Variants in FAM186B observed in about 807,000 individuals in gnomAD.
FAM186B encodes protein FAM186B.
Under a neutral mutation model 83.4 loss-of-function variants are expected in FAM186B, and 68 were observed. That is an observed-to-expected ratio of 0.81 (90% CI 0.67 to 1.00). The LOEUF (loss-of-function observed/expected upper bound fraction) is 1.00. Among genes scored for constraint, FAM186B ranks in the 50% least tolerant of loss-of-function variants. The pLI, the probability that FAM186B is intolerant of heterozygous loss-of-function variation, is 0.00. For missense variants in FAM186B, 983 were observed against 1,099.2 expected (o/e 0.89, Z 1.49); for synonymous variants, 389 against 422.0 (o/e 0.92, Z 0.96).
intron 1 of FAM186B, chr12:49,605,176 CA>C (rs1939985300): frequency 1.4e-6 from 2 of 1,393,168 alleles, no homozygotes; most frequent in Non-Finnish European, 1.9e-6. Context: ...AGCCCTGCCT[CA>C]GGCGGGTGGT....
intron 5 of FAM186B, among the ~76,000 whole-genome samples, chr12:49,589,614 G>C (rs1939533474): frequency 6.6e-6 from 1 of 151,810 alleles, no homozygotes; most frequent in Admixed American, 6.6e-5. Flanking sequence ...ATCTGTTGTA[G>C]AGAATCTAGA....
chr12:49,601,077 G>A lies in FAM186B; in HGVS notation c.563C>T (p.Ser188Phe), dbSNP rs751962393. Residue 188 changes from serine to phenylalanine, a missense_variant, in exon 4 of 7, where the codon TCC becomes TTC. Ser to Phe is a radical substitution (Grantham distance 155). Coordinates refer to ENST00000257894, the MANE Select transcript of FAM186B (RefSeq NM_032130.3). ...TTCTGGGCTTAGTGGCTGAGGATGGGATGGAGATGTCTGTGGGCTTCTTCC... is the reference window on the plus strand; with the variant it reads ...TTCTGGGCTTAGTGGCTGAGGATGGAATGGAGATGTCTGTGGGCTTCTTCC... ...WQGRSPQTSP[S>F]HPQPLSPEQM... The A allele has an allele frequency of 2.5e-6, 4 of 1,604,606 alleles. No homozygotes were observed. The highest frequency in any genetic ancestry group is 1.1e-5 in the South Asian group (1 of 90,274).
At chr12:49,592,887 C>T (rs933872632) in intron 5 of FAM186B, among the ~76,000 whole-genome samples, 1 of 151,928 alleles carries the variant, frequency 6.6e-6, no homozygotes, top group Non-Finnish European at 1.5e-5. Context: ...AGTTACTCCA[C>T]AAGAAGGCAG....
the FAM186B span, among the ~76,000 whole-genome samples, chr12:49,613,323 C>G: frequency 6.7e-6 from 1 of 150,208 alleles, no homozygotes; most frequent in African/African-American, 2.5e-5. Flanking sequence ...GTCAGGAGAT[C>G]GAGACCATCT....
chr12:49,617,789 G>A, the FAM186B span, among the ~76,000 whole-genome samples: 7 of 152,220 alleles, frequency 4.6e-5, no homozygotes, highest in East Asian at 1.2e-3. Flanking sequence ...TGTAGCCAAG[G>A]GATTTTTAAA....
At chr12:49,603,477 C>G in intron 2 of FAM186B, 110 bp from the exon 3 acceptor site, 1 of 1,034,696 alleles carries the variant, frequency 9.7e-7, no homozygotes, top group Non-Finnish European at 1.4e-6. Context: ...TTGATTTTAC[C>G]TCTTACTAGC....
At chr12:49,617,314 G>T in the FAM186B span, among the ~76,000 whole-genome samples, 1 of 152,210 alleles carries the variant, frequency 6.6e-6, no homozygotes, top group Non-Finnish European at 1.5e-5. Context: ...GGAGGCCAGG[G>T]CAGGCAGACG....
chr12:49,591,351 A>C (rs1939577011), intron 5 of FAM186B, among the ~76,000 whole-genome samples: 1 of 152,230 alleles, frequency 6.6e-6, no homozygotes, highest in African/African-American at 2.4e-5. Flanking sequence ...GGGCAAGAAC[A>C]GGCAGAACCA....
chr12:49,599,631 C>A lies in FAM186B; in HGVS notation c.2009G>T (p.Arg670Met). ...CTCACTCAGGAGCTGCAGGTTCTTC[C>A]TCTGGGCCTCCATGTCCATGTGGTA... ...KVYHMDMEAQ[R>M]KNLQLLSEES... Residue 670 changes from arginine (R) to methionine (M), a missense_variant, in exon 4 of 7, where the codon AGG (arginine) becomes ATG (methionine). Coordinates refer to ENST00000257894, the MANE Select transcript of FAM186B (RefSeq NM_032130.3). 1 of 1,609,066 alleles carries A rather than the reference C, an allele frequency of 6.2e-7. No individual in the cohort carries two copies. The highest frequency in any genetic ancestry group is 8.5e-7 in the Non-Finnish European group (1 of 1,177,578).
chr12:49,599,156 G>A (rs1460914233), intron 4 of FAM186B, among the ~76,000 whole-genome samples: 1 of 152,122 alleles, frequency 6.6e-6, no homozygotes, highest in Non-Finnish European at 1.5e-5. Context: ...AAAGAGAAAG[G>A]AAAGACAGGG....
chr12:49,592,165 G>C (rs1939594981), intron 5 of FAM186B, among the ~76,000 whole-genome samples: 1 of 152,198 alleles, frequency 6.6e-6, no homozygotes, highest in Non-Finnish European at 1.5e-5. Flanking sequence ...AGTAGACTAT[G>C]ATAAGTTAAA....
chr12:49,600,372 C>A lies in FAM186B; in HGVS notation c.1268G>T (p.Arg423Leu). 6.2e-7 allele frequency: 1 copy of A among 1,614,148 alleles called. No individual in the cohort carries two copies. Among genetic ancestry groups the A allele is most frequent in the Non-Finnish European group, 8.5e-7 (1 of 1,180,030 alleles). The change falls in exon 4 of 7, where the codon CGC becomes CTC. Residue 423 changes from arginine to leucine, a missense_variant. Physicochemically the swap from Arg to Leu is moderately radical, Grantham distance 102. Transcript: ENST00000257894. This position sits in a 1 kb window ranked among gnomAD's most constrained non-coding sequence, Gnocchi z 4.3. ...TCTTTCCCATTTCTTAGGAAACCTG[C>A]GATCTACTAAGGGTAAAAGCACAGG... is the stretch of plus-strand genomic sequence containing the variant. ...LEPVLLPLVDRRFPKKWERPV... is the reference protein window; with the variant it reads ...LEPVLLPLVDLRFPKKWERPV...
In FAM186B at chr12:49,605,377, G is replaced by T. The variant is rs761992226; in HGVS notation, c.96+5C>A. ...TAAGAGTGATTCCTTCATCTCAGGGGCTACCTCTTGAGCCCGAGTTAGCTG... is the reference window on the plus strand; with the variant it reads ...TAAGAGTGATTCCTTCATCTCAGGGTCTACCTCTTGAGCCCGAGTTAGCTG... On this transcript the variant is annotated splice_donor_5th_base_variant and intron_variant, in intron 1 of 6. Coordinates refer to ENST00000257894, the MANE Select transcript of FAM186B (RefSeq NM_032130.3). 6.2e-7 allele frequency: 1 copy of T among 1,610,968 alleles called. No homozygotes were observed. The highest frequency in any genetic ancestry group is 1.3e-5 in the African/African-American group (1 of 75,000).
downstream of FAM186B, among the ~76,000 whole-genome samples, chr12:49,585,793 C>G (rs1049946761): frequency 2.0e-5 from 3 of 152,174 alleles, no homozygotes; most frequent in Non-Finnish European, 4.4e-5. Flanking sequence ...ATGTGAGGAT[C>G]CATGGTGGGC....
intron 6 of FAM186B, 89 bp downstream of exon 6, chr12:49,588,365 C>G: frequency 2.7e-6 from 4 of 1,481,258 alleles, no homozygotes; most frequent in Non-Finnish European, 2.7e-6. Flanking sequence ...GGTGCCCTCA[C>G]TTCACTGCCC....
intron 5 of FAM186B, among the ~76,000 whole-genome samples, chr12:49,598,237 G>A (rs1939772442): frequency 6.6e-6 from 1 of 152,108 alleles, no homozygotes; most frequent in Non-Finnish European, 1.5e-5. Context: ...AGTGGAGGAG[G>A]GACTCTACTA....
intron 6 of FAM186B, 52 bp downstream of exon 6, chr12:49,588,402 C>G: frequency 6.4e-7 from 1 of 1,565,620 alleles, no homozygotes; most frequent in Non-Finnish European, 8.7e-7. Flanking sequence ...CACCCCTGCT[C>G]CCTGCCTCTT....
upstream of FAM186B, among the ~76,000 whole-genome samples, chr12:49,609,045 C>T (rs951119116): frequency 4.6e-5 from 7 of 152,128 alleles, no homozygotes; most frequent in Admixed American, 2.6e-4. Context: ...TGCCTGCTCT[C>T]GAGGTGCATA....
chr12:49,595,715 G>A (rs1313216221), intron 5 of FAM186B: 4 of 312,124 alleles, frequency 1.3e-5, no homozygotes, highest in Non-Finnish European at 2.6e-5. Context: ...TGGGCGCGGT[G>A]GTTCACGCCT....
Sources: gnomAD v4.1 joint callset for allele counts (sites outside exome capture counted in the v4.1 genomes callset) on GRCh38, gnomAD v4.1.1 for gene constraint, Gnocchi (gnomAD v3.1) non-coding constraint, MANE v1.5 for transcripts, NCBI Gene and HGNC (gene_info 2026-07-23, HGNC 2026-07-21) for gene names.